FAT3: variants seen among roughly 807,000 people sequenced by gnomAD.
FAT3 encodes the protein protocadherin Fat 3.
FAT3 carries 95 observed loss-of-function variants against 310.2 expected under a neutral mutation model. The observed-to-expected ratio is 0.31, with a 90% CI of 0.26 to 0.36. The LOEUF is 0.36. FAT3 is among the 10% of genes least tolerant of loss of function. The pLI, the probability that FAT3 is intolerant of heterozygous loss-of-function variation, is 1.00. For missense variants in FAT3, 5,408 were observed against 5,715.6 expected (o/e 0.95, Z 1.74); for synonymous variants, 2,314 against 2,192.9 (o/e 1.06, Z -1.54).
intron 6 of FAT3, among the ~76,000 whole-genome samples, chr11:92,765,929 CCT>C (rs1418035291): frequency 6.6e-6 from 1 of 151,974 alleles, no homozygotes; most frequent in Non-Finnish European, 1.5e-5. Flanking sequence ...TATTTCAGCC[CCT>C]CTGTTTTGCA....
chr11:92,565,970 C>T (rs1205971322), intron 3 of FAT3, among the ~76,000 whole-genome samples: 3 of 152,134 alleles, frequency 2.0e-5, no homozygotes, highest in Non-Finnish European at 2.9e-5. Context: ...CCTTTGAAAA[C>T]TGGCACAAGA....
chr11:92,488,444 A>C (rs1952492723), intron 2 of FAT3, among the ~76,000 whole-genome samples: 6 of 19,368 alleles, frequency 3.1e-4, no homozygotes, highest in South Asian at 3.5e-3. Context: ...ATAAATAACT[A>C]GCACCGCCCC....
chr11:92,477,604 G>C (rs955361009), intron 2 of FAT3, among the ~76,000 whole-genome samples: 1 of 152,168 alleles, frequency 6.6e-6, no homozygotes, highest in Non-Finnish European at 1.5e-5. Context: ...ATGTTTGCTA[G>C]TGTACTTATT....
intron 4 of FAT3, among the ~76,000 whole-genome samples, chr11:92,725,528 C>A (rs1222124402): frequency 6.6e-6 from 1 of 151,976 alleles, no homozygotes; most frequent in East Asian, 1.9e-4. Context: ...TAAATACCCA[C>A]TTTCAATTAC....
intron 3 of FAT3, among the ~76,000 whole-genome samples, chr11:92,593,167 T>C (rs538591350): frequency 1.4e-5 from 2 of 146,860 alleles, no homozygotes; most frequent in African/African-American, 5.1e-5. Flanking sequence ...TAGTATTCCA[T>C]TGTGTGTGTG....
chr11:92,552,794 A>G (rs77556258), intron 3 of FAT3, among the ~76,000 whole-genome samples: 1 of 146,102 alleles, frequency 6.8e-6, no homozygotes, highest in African/African-American at 2.5e-5. Flanking sequence ...AAAAAAAAAA[A>G]GAATTGTTAG....
chr11:92,465,729 C>A (rs948337020), intron 2 of FAT3, among the ~76,000 whole-genome samples: 14 of 151,920 alleles, frequency 9.2e-5, no homozygotes, highest in African/African-American at 2.9e-4. Context: ...GGGGGGCAGG[C>A]AGAGGGATAG....
At chr11:92,861,518 G>A (rs780362448) in intron 21 of FAT3, among the ~76,000 whole-genome samples, 39 of 152,074 alleles carry the variant, frequency 2.6e-4, no homozygotes, top group Non-Finnish European at 4.7e-4. Flanking sequence ...ATTGAATCTT[G>A]GTAAATGGAA....
chr11:92,386,730 T>C (rs1949632075), intron 2 of FAT3, among the ~76,000 whole-genome samples: 2 of 152,086 alleles, frequency 1.3e-5, no homozygotes, highest in Non-Finnish European at 2.9e-5. Context: ...AGGGGAGAGC[T>C]CCCCAGGGGC....
intron 3 of FAT3, among the ~76,000 whole-genome samples, chr11:92,693,235 T>A (rs554910535): frequency 2.0e-5 from 3 of 152,232 alleles, no homozygotes; most frequent in Non-Finnish European, 4.4e-5. Context: ...TATGTAATTA[T>A]ATCAAATGAT....
At chr11:92,333,515 CCTT>C (rs1947972109) in intron 1 of FAT3, among the ~76,000 whole-genome samples, 2 of 152,078 alleles carry the variant, frequency 1.3e-5, no homozygotes, top group Admixed American at 1.3e-4. Context: ...CTGCACCTTG[CCTT>C]CTTCTCTTCT....
chr11:92,311,609 GGTTTCTTTCAT>G (rs1947307265), intron 1 of FAT3, among the ~76,000 whole-genome samples: 1 of 152,258 alleles, frequency 6.6e-6, no homozygotes, highest in African/African-American at 2.4e-5. Context: ...AAACAAACTG[GGTTTCTTTCAT>G]GTTAGACTTT....
At chr11:92,430,349 A>T (rs1317580583) in intron 2 of FAT3, among the ~76,000 whole-genome samples, 2 of 152,084 alleles carry the variant, frequency 1.3e-5, no homozygotes, top group Admixed American at 6.6e-5. Context: ...CGTCAAACTC[A>T]TTCTCCACCT....
At chr11:92,447,066 T>G (rs1951229245) in intron 2 of FAT3, among the ~76,000 whole-genome samples, 1 of 151,874 alleles carries the variant, frequency 6.6e-6, no homozygotes, top group Admixed American at 6.5e-5. Flanking sequence ...ACAGAACAAA[T>G]TAGCCAAAAA....
At chr11:92,388,200 T>C (rs558410369) in intron 2 of FAT3, among the ~76,000 whole-genome samples, 1 of 152,342 alleles carries the variant, frequency 6.6e-6, no homozygotes, top group South Asian at 2.1e-4. Flanking sequence ...AGTTTTTTTT[T>C]AGGTAAAGGA....
At chr11:92,298,460 T>G (rs1177104607) in intron 1 of FAT3, among the ~76,000 whole-genome samples, 1 of 152,134 alleles carries the variant, frequency 6.6e-6, no homozygotes, top group Non-Finnish European at 1.5e-5. Context: ...ATCTCCTTTA[T>G]GTGTCTTAGC....
At chr11:92,464,996 TA>T (rs1429497695) in intron 2 of FAT3, among the ~76,000 whole-genome samples, 2 of 152,176 alleles carry the variant, frequency 1.3e-5, no homozygotes, top group African/African-American at 4.8e-5. Context: ...AATGCTTTCT[TA>T]ATGAGTTCCA....
At chr11:92,449,027 A>C (rs1430020904) in intron 2 of FAT3, among the ~76,000 whole-genome samples, 1 of 152,094 alleles carries the variant, frequency 6.6e-6, no homozygotes, top group Non-Finnish European at 1.5e-5. Context: ...GATTCAGCCA[A>C]CATTTAGTGA....
chr11:92,829,123 T>C (rs1241202321), intron 13 of FAT3, among the ~76,000 whole-genome samples: 1 of 152,226 alleles, frequency 6.6e-6, no homozygotes, highest in Admixed American at 6.5e-5. Context: ...ATAGATCTCC[T>C]GAAATCCCTA....
Sources: allele counts gnomAD v4.1 joint callset (sites outside exome capture counted in the v4.1 genomes callset), GRCh38; gene constraint gnomAD v4.1.1; transcripts MANE v1.5; gene names NCBI Gene and HGNC (gene_info 2026-07-23, HGNC 2026-07-21).